MAML1: variants seen among roughly 807,000 people sequenced by gnomAD.
MAML1 encodes the protein mastermind like transcriptional coactivator 1, also known as mastermind-like protein 1.
In MAML1, 14 loss-of-function variants were observed where a neutral mutation model predicts 77.1. That is an observed-to-expected ratio of 0.18 (90% CI 0.12 to 0.28). The LOEUF is 0.28. Ranked by LOEUF, MAML1 falls within the 10% of genes least tolerant of loss-of-function variation. The probability of loss-of-function intolerance (pLI) is 1.00; values close to 1 mark genes in which losing one functional copy is unlikely to be tolerated. For missense variants in MAML1, 1,217 were observed against 1,327.8 expected (o/e 0.92, Z 1.30); for synonymous variants, 516 against 551.9 (o/e 0.93, Z 0.91).
In MAML1 at chr5:179,765,562, C is replaced by G. The variant is rs761292293; in HGVS notation, c.552C>G (p.Asp184Glu). 19 of 1,613,942 alleles carry G rather than the reference C, an allele frequency of 1.2e-5. No individual in the cohort carries two copies. Among genetic ancestry groups the G allele is most frequent in the Non-Finnish European group, 1.6e-5 (19 of 1,179,960 alleles). ...QSSGKHSLGL[D>E]SLNKKRLADS... ...GTGGGAAGCACTCTCTGGGGCTAGA[C>G]TCTCTCAACAAAAAGCGTCTGGCTG... is the stretch of plus-strand genomic sequence containing the variant. Residue 184 changes from aspartate to glutamate, a missense_variant, in exon 2 of 5, where the codon GAC (aspartate) becomes GAG (glutamate). Asp to Glu is a conservative substitution (Grantham distance 45). Transcript: ENST00000292599.
At chr5:179,759,663 G>T (rs1302499038) in intron 1 of MAML1, among the ~76,000 whole-genome samples, 1 of 152,218 alleles carries the variant, frequency 6.6e-6, no homozygotes, top group Non-Finnish European at 1.5e-5. Context: ...CAGGGACTGG[G>T]AGAGAAATGT....
chr5:179,764,021 C>T (rs1437493548), intron 1 of MAML1, among the ~76,000 whole-genome samples: 5 of 152,136 alleles, frequency 3.3e-5, no homozygotes, highest in Non-Finnish European at 5.9e-5. Flanking sequence ...TGAGTCCTGA[C>T]TGCAGCACAT....
At chr5:179,749,819 A>G (rs1334861610) in intron 1 of MAML1, among the ~76,000 whole-genome samples, 2 of 152,146 alleles carry the variant, frequency 1.3e-5, no homozygotes, top group Admixed American at 6.5e-5. Flanking sequence ...AAGGCAGGCC[A>G]TGGTGAGCTT....
rs747655772 is a variant in MAML1 at position 179,771,120 on chromosome 5, T to G, written c.1972-27T>G. On this transcript the variant is annotated intron_variant, in intron 3 of 4. Transcript: ENST00000292599. This position sits in a 1 kb window ranked among gnomAD's most constrained non-coding sequence, Gnocchi z 4.7. Reference sequence around the variant, plus strand: ...TTTGGATTTTGTTATATGTTGGTTTTGTTTTGTTGTTCTTGGCATTTTCTA... The same window carrying G: ...TTTGGATTTTGTTATATGTTGGTTTGGTTTTGTTGTTCTTGGCATTTTCTA... 1.9e-6 allele frequency: 3 copies of G among 1,587,348 alleles called. No individual in the cohort carries two copies. In the South Asian group the frequency reaches 3.3e-5, roughly 18 times the overall value.
intron 4 of MAML1, among the ~76,000 whole-genome samples, chr5:179,773,521 TTG>T (rs1756048999): frequency 7.2e-6 from 1 of 138,358 alleles, no homozygotes; most frequent in African/African-American, 2.9e-5. Flanking sequence ...TCGCGCCCCA[TTG>T]CGCCCCATCG....
At chr5:179,753,315 CAATT>C (rs1779541788) in intron 1 of MAML1, among the ~76,000 whole-genome samples, 1 of 152,152 alleles carries the variant, frequency 6.6e-6, no homozygotes, top group African/African-American at 2.4e-5. Context: ...TTTCACTACT[CAATT>C]AAACCAGTCT....
chr5:179,752,496 C>G (rs1336474923), intron 1 of MAML1, among the ~76,000 whole-genome samples: 1 of 39,828 alleles, frequency 2.5e-5, no homozygotes, highest in East Asian at 6.5e-4. Context: ...TTATGTGCTA[C>G]TAGCAAATTT....
At chr5:179,750,405 G>GT (rs34325781) in intron 1 of MAML1, among the ~76,000 whole-genome samples, 42,647 of 151,874 alleles carry the variant, frequency 0.28, 6,320 homozygotes, top group Non-Finnish European at 0.34. Context: ...TTGTTTGCTT[G>GT]TTTCTCTGCT....
chr5:179,760,786 A>C (rs144214365), intron 1 of MAML1, among the ~76,000 whole-genome samples: 1 of 152,278 alleles, frequency 6.6e-6, no homozygotes, highest in African/African-American at 2.4e-5. Flanking sequence ...GGTAAAGAAA[A>C]AGGGAACTTT....
intron 1 of MAML1, among the ~76,000 whole-genome samples, chr5:179,759,396 C>A (rs4700839): frequency 0.78 from 118,076 of 152,134 alleles, 46,700 homozygotes; most frequent in Non-Finnish European, 0.86. Context: ...ATCCTGAATT[C>A]ACTGGGAATA....
At chr5:179,741,280 A>G (rs945274876) in intron 1 of MAML1, among the ~76,000 whole-genome samples, 1 of 152,188 alleles carries the variant, frequency 6.6e-6, no homozygotes, top group African/African-American at 2.4e-5. Flanking sequence ...CGCGGAGCCT[A>G]AGTGGGAGCA....
chr5:179,748,716 G>C (rs1038175744), intron 1 of MAML1, among the ~76,000 whole-genome samples: 1 of 152,126 alleles, frequency 6.6e-6, no homozygotes, highest in African/African-American at 2.4e-5. Context: ...CCTGCACCAG[G>C]CATGGAATTT....
chr5:179,768,301 T>G (rs1779858944), intron 2 of MAML1, among the ~76,000 whole-genome samples: 3 of 152,090 alleles, frequency 2.0e-5, no homozygotes, highest in Non-Finnish European at 2.9e-5. Flanking sequence ...CTACTAAAAA[T>G]ACAAAATTAG....
chr5:179,748,161 C>T (rs953861932), intron 1 of MAML1, among the ~76,000 whole-genome samples: 7 of 152,152 alleles, frequency 4.6e-5, no homozygotes, highest in African/African-American at 1.7e-4. Flanking sequence ...TGGCTCACTG[C>T]AGCCTCTACC....
intron 1 of MAML1, among the ~76,000 whole-genome samples, chr5:179,743,504 C>T (rs1779322142): frequency 1.3e-5 from 2 of 150,888 alleles, no homozygotes; most frequent in Admixed American, 1.3e-4. Flanking sequence ...GTAGCTGGGA[C>T]TACAGGCGCC....
chr5:179,733,710 C>T (rs891773836), intron 1 of MAML1, among the ~76,000 whole-genome samples: 2 of 152,356 alleles, frequency 1.3e-5, no homozygotes, highest in Middle Eastern at 3.4e-3. Flanking sequence ...AGACTTGATT[C>T]CGGGATGTTG....
At position 179,777,247 on chromosome 5, in the gene MAML1, AT is replaced by A; in HGVS notation, c.*2371del. The A allele has an allele frequency of 1.0e-6, 1 of 965,138 alleles. No individual in the cohort carries two copies. The highest frequency in any genetic ancestry group is 5.3e-4 in the Middle Eastern group (1 of 1,884). 59.8% of individuals were successfully genotyped at this position (965,138 alleles called of 1,614,324 possible). On this transcript the variant is annotated 3_prime_UTR_variant, in exon 5 of 5. Transcript: ENST00000292599. ...AAGAAATCTTTACTTTCCTTGTTTT[AT>A]CATTATAAAAATAAAGTATTTTGCT...
In MAML1 at chr5:179,765,671, G is replaced by A. The variant is rs1459828540; in HGVS notation, c.661G>A (p.Val221Ile). The A allele has an allele frequency of 6.2e-7, 1 of 1,614,110 alleles. No homozygotes were observed. The highest frequency in any genetic ancestry group is 1.3e-5 in the African/African-American group (1 of 74,932). ...GAATAAAGAACTGAAGCAGGAGCCT[G>A]TCGAAGACCTGCCTTGCATGATCAC... ...SLNKELKQEP[V>I]EDLPCMITGT... Residue 221 changes from valine to isoleucine, a missense_variant, in exon 2 of 5, where the codon GTC (valine) becomes ATC (isoleucine). Around this residue, in one of 3 missense-constraint regions of MAML1, gnomAD observed 312 missense variants for 331.4 expected, o/e 0.94. Transcript: ENST00000292599.
Position 179,773,809 on chromosome 5 carries a change from G to A in MAML1, c.2069-86G>A, listed in dbSNP as rs558890227. ...GCCCTCTTCCCAGTGTGCCGTGAAC[G>A]TGAGACTTCTGGTGCTGCGGCTCGA... On this transcript the variant is annotated intron_variant, in intron 4 of 4. Coordinates refer to ENST00000292599, the MANE Select transcript of MAML1 (RefSeq NM_014757.5). The A allele has an allele frequency of 2.0e-5, 30 of 1,524,742 alleles. 1 individual carries two copies. In the African/African-American group the frequency reaches 2.6e-4, roughly 13 times the overall value. 94.5% of individuals were successfully genotyped at this position (1,524,742 alleles called of 1,614,324 possible).
Sources: gnomAD v4.1 joint callset for allele counts (sites outside exome capture counted in the v4.1 genomes callset) on GRCh38, gnomAD v4.1.1 for gene constraint, gnomAD v4.1.1 regional missense constraint, Gnocchi (gnomAD v3.1) non-coding constraint, MANE v1.5 for transcripts, NCBI Gene and HGNC (gene_info 2026-07-23, HGNC 2026-07-21) for gene names.